CAMK4: variants seen among roughly 807,000 people sequenced by gnomAD.
CAMK4 encodes calcium/calmodulin dependent protein kinase IV.
In CAMK4, 22 loss-of-function variants were observed where a neutral mutation model predicts 44.9. That is an observed-to-expected ratio of 0.49 (90% CI 0.35 to 0.70). The LOEUF is 0.70. CAMK4 is among the 30% of genes least tolerant of loss of function. The pLI is 0.01. For synonymous variants in CAMK4, 218 were observed against 215.4 expected, an observed-to-expected ratio of 1.01 and a Z score of -0.11; for missense variants, 498 against 586.8, an observed-to-expected ratio of 0.85 and a Z score of 1.56.
At chr5:111,337,100 C>A (rs998659418) in intron 1 of CAMK4, among the ~76,000 whole-genome samples, 1 of 151,162 alleles carries the variant, frequency 6.6e-6, no homozygotes, top group Admixed American at 6.6e-5. Flanking sequence ...AAAAATTCCC[C>A]TATACTACTT....
intron 1 of CAMK4, among the ~76,000 whole-genome samples, chr5:111,262,253 A>G (rs910128026): frequency 1.3e-5 from 2 of 152,030 alleles, no homozygotes; most frequent in African/African-American, 4.8e-5. Context: ...CACTAAACCA[A>G]AGGGGGAGGA....
chr5:111,330,107 C>A (rs1420489030), intron 1 of CAMK4, among the ~76,000 whole-genome samples: 2 of 137,952 alleles, frequency 1.4e-5, no homozygotes, highest in Admixed American at 7.2e-5. Context: ...TACAAAAAAA[C>A]AAACAAATAA....
At chr5:111,315,199 A>G (rs766570125) in intron 1 of CAMK4, among the ~76,000 whole-genome samples, 16 of 152,118 alleles carry the variant, frequency 1.1e-4, no homozygotes, top group Non-Finnish European at 1.5e-4. Context: ...TTTCTCCTCA[A>G]AATTTATCAG....
intron 1 of CAMK4, among the ~76,000 whole-genome samples, chr5:111,227,308 C>G (rs897121077): frequency 1.3e-5 from 2 of 152,174 alleles, no homozygotes; most frequent in African/African-American, 4.8e-5. Flanking sequence ...GAACTCAGGT[C>G]ATCAGTTTCA....
intron 1 of CAMK4, among the ~76,000 whole-genome samples, chr5:111,333,901 A>T (rs1219248984): frequency 6.6e-6 from 1 of 151,582 alleles, no homozygotes; most frequent in Non-Finnish European, 1.5e-5. Context: ...ATAAGCTGAC[A>T]TGAGGCTGAA....
chr5:111,328,924 G>T (rs1749027183), intron 1 of CAMK4, among the ~76,000 whole-genome samples: 1 of 151,826 alleles, frequency 6.6e-6, no homozygotes, highest in Non-Finnish European at 1.5e-5. Flanking sequence ...GAGACGATGG[G>T]GTTTTGTAGA....
chr5:111,253,734 A>G (rs778846082), intron 1 of CAMK4, among the ~76,000 whole-genome samples: 21 of 152,196 alleles, frequency 1.4e-4, no homozygotes, highest in African/African-American at 1.9e-4. Flanking sequence ...AGTATATTAT[A>G]TACAGGCTTT....
chr5:111,388,282 T>C (rs1315904645), intron 4 of CAMK4, among the ~76,000 whole-genome samples: 6 of 152,352 alleles, frequency 3.9e-5, no homozygotes, highest in Non-Finnish European at 7.3e-5. Flanking sequence ...CCCTTGGTTG[T>C]ACAAACCTTA....
Position 111,311,626 on chromosome 5 carries a change from A to G in CAMK4, c.162-32398A>G, listed in dbSNP as rs1353732481. Among the ~76,000 whole-genome samples the G allele has an allele frequency of 2.0e-5, 3 of 152,258 alleles. No homozygotes were observed. The East Asian group carries it at 5.8e-4, about 29-fold the overall frequency. On this transcript the variant is annotated intron_variant, in intron 1 of 10. Transcript: ENST00000282356. Reference sequence around the variant, plus strand: ...CCTCTGTTCATTTGGCAGAGCTGTCATTTTCATCCAAAGGAAAGTTGAAGG... The same window carrying G: ...CCTCTGTTCATTTGGCAGAGCTGTCGTTTTCATCCAAAGGAAAGTTGAAGG...
At chr5:111,335,333 C>G (rs1749355444) in intron 1 of CAMK4, among the ~76,000 whole-genome samples, 1 of 151,298 alleles carries the variant, frequency 6.6e-6, no homozygotes, top group African/African-American at 2.4e-5. Flanking sequence ...TTAATATGAA[C>G]CCAGACTTCC....
At chr5:111,443,958 G>A (rs1753940502) in intron 5 of CAMK4, among the ~76,000 whole-genome samples, 1 of 152,020 alleles carries the variant, frequency 6.6e-6, no homozygotes, top group African/African-American at 2.4e-5. Context: ...TCCTTCTTGG[G>A]GACACCGCAT....
intron 1 of CAMK4, among the ~76,000 whole-genome samples, chr5:111,313,675 A>C (rs1748303400): frequency 6.6e-6 from 1 of 152,144 alleles, no homozygotes; most frequent in South Asian, 2.1e-4. Flanking sequence ...TGATCAATAC[A>C]GTGCTTAGAG....
intron 2 of CAMK4, among the ~76,000 whole-genome samples, chr5:111,361,808 G>A (rs532535501): frequency 6.6e-6 from 1 of 152,114 alleles, no homozygotes; most frequent in East Asian, 1.9e-4. Flanking sequence ...ACCTCAGGCA[G>A]GAAGATTATA....
At chr5:111,452,607 A>G (rs1754275569) in intron 7 of CAMK4, among the ~76,000 whole-genome samples, 2 of 152,142 alleles carry the variant, frequency 1.3e-5, no homozygotes, top group South Asian at 4.1e-4. Context: ...TCTTAAATCT[A>G]TCTACTTTTT....
rs1401508669 is a variant in CAMK4, at chr5:111,437,819, G to C, written c.460-8867G>C. Among the ~76,000 whole-genome samples, 16 of 152,222 alleles carry C rather than the reference G, an allele frequency of 1.1e-4. No homozygotes were observed. In the East Asian group the frequency reaches 3.1e-3, roughly 29 times the overall value. On this transcript the variant is annotated intron_variant, in intron 5 of 10. Coordinates refer to ENST00000282356, the MANE Select transcript of CAMK4 (RefSeq NM_001744.6). ...AATATGAGGCTGGAGAGGAGCATAG[G>C]AACCAGATCACCAAGACCTTGAAGG...
intron 7 of CAMK4, among the ~76,000 whole-genome samples, chr5:111,469,331 G>A (rs766967900): frequency 6.6e-6 from 1 of 151,378 alleles, no homozygotes; most frequent in African/African-American, 2.4e-5. Context: ...AATTTATTAT[G>A]GATGGCATAA....
chr5:111,467,138 A>G (rs948198428), intron 7 of CAMK4, among the ~76,000 whole-genome samples: 3 of 152,190 alleles, frequency 2.0e-5, no homozygotes, highest in Admixed American at 6.5e-5. Context: ...AGCCACATGT[A>G]TATGAATGAA....
chr5:111,361,507 A>G (rs948788498), intron 2 of CAMK4, among the ~76,000 whole-genome samples: 6 of 152,052 alleles, frequency 3.9e-5, no homozygotes, highest in Non-Finnish European at 7.4e-5. Flanking sequence ...GGTCATAAAA[A>G]TTACCAAAAT....
chr5:111,393,109 C>CT (rs1751869229), intron 4 of CAMK4, among the ~76,000 whole-genome samples: 1 of 152,096 alleles, frequency 6.6e-6, no homozygotes, highest in South Asian at 2.1e-4. Context: ...AATTGTATTA[C>CT]TAGAAAATTT....
Sources: gnomAD v4.1 joint callset for allele counts (sites outside exome capture counted in the v4.1 genomes callset) on GRCh38, gnomAD v4.1.1 for gene constraint, MANE v1.5 for transcripts, NCBI Gene and HGNC (gene_info 2026-07-23, HGNC 2026-07-21) for gene names.